The following EML1 variants were observed in gnomAD, a reference collection of about 807,000 sequenced individuals.
The protein encoded by EML1 is EMAP like 1.
Under a neutral mutation model 110.4 loss-of-function variants are expected in EML1, and 27 were observed. That is an observed-to-expected ratio of 0.24 (90% CI 0.18 to 0.34). The LOEUF (loss-of-function observed/expected upper bound fraction) is 0.34. Ranked by LOEUF, EML1 falls within the 10% of genes least tolerant of loss-of-function variation. The pLI is 1.00. For synonymous variants in EML1, 344 were observed against 385.8 expected (o/e 0.89, Z 1.27); for missense variants, 741 against 1,030.9 (o/e 0.72, Z 3.85).
chr14:99,786,191 C>T (rs1360274161), intron 1 of EML1, among the ~76,000 whole-genome samples: 1 of 152,064 alleles, frequency 6.6e-6, no homozygotes, highest in Non-Finnish European at 1.5e-5. Context: ...GTTCTGAGTA[C>T]CTGAATCTTC....
chr14:99,863,120 A>G (rs537356332), intron 2 of EML1, among the ~76,000 whole-genome samples: 1 of 152,208 alleles, frequency 6.6e-6, no homozygotes, highest in East Asian at 1.9e-4. Flanking sequence ...CCTTTTATGT[A>G]ATTGTTCCAT....
Position 99,936,183 on chromosome 14 carries a change from G to A in EML1, c.2007+57G>A, listed in dbSNP as rs539074660. On this transcript the variant is annotated intron_variant, in intron 18 of 21. Coordinates refer to ENST00000262233, the MANE Select transcript of EML1 (RefSeq NM_004434.3). This position sits in a 1 kb window ranked among gnomAD's most constrained non-coding sequence, Gnocchi z 5.5. ...ATGCACTGCGTATAGTTTAACTACC[G>A]TGGAACAGTGTTGGCAGGGACTTCT... The A allele has an allele frequency of 5.8e-5, 93 of 1,612,302 alleles. No homozygotes were observed. Among genetic ancestry groups the A allele is most frequent in the South Asian group, 1.1e-4 (10 of 91,044 alleles).
At chr14:99,832,186 G>T (rs537888136) in intron 1 of EML1, among the ~76,000 whole-genome samples, 2 of 152,056 alleles carry the variant, frequency 1.3e-5, no homozygotes, top group East Asian at 1.9e-4. Flanking sequence ...ATATTCATCC[G>T]TGCTGTTGCT....
chr14:99,898,986 T>C (rs1324718250), intron 8 of EML1, among the ~76,000 whole-genome samples: 3 of 152,214 alleles, frequency 2.0e-5, no homozygotes, highest in Non-Finnish European at 4.4e-5. Context: ...TGCCCTGTCC[T>C]GTGAATGTCG....
At chr14:99,750,811 G>A (rs1004350720) in intron 1 of EML1, among the ~76,000 whole-genome samples, 4 of 152,010 alleles carry the variant, frequency 2.6e-5, no homozygotes, top group Admixed American at 1.3e-4. Context: ...AGTCTAACCC[G>A]ATCGCCCCTC....
intron 1 of EML1, among the ~76,000 whole-genome samples, chr14:99,817,631 G>A (rs1029868806): frequency 6.6e-6 from 1 of 152,152 alleles, no homozygotes; most frequent in Non-Finnish European, 1.5e-5. Context: ...AGGGGTCTGT[G>A]GACCACACTT....
chr14:99,898,049 A>C (rs1448103004), intron 7 of EML1, among the ~76,000 whole-genome samples, 184 bp from the exon 8 acceptor site: 1 of 152,222 alleles, frequency 6.6e-6, no homozygotes, highest in East Asian at 1.9e-4. Flanking sequence ...AAGGGAATTA[A>C]GATGAAATGA....
chr14:99,919,430 A>G (rs1181529795), intron 16 of EML1, among the ~76,000 whole-genome samples: 1 of 139,056 alleles, frequency 7.2e-6, no homozygotes, highest in East Asian at 2.1e-4. Context: ...ACACAGACAC[A>G]CACACACACA....
chr14:99,764,038 G>T (rs2057342439), intron 1 of EML1, among the ~76,000 whole-genome samples: 1 of 152,204 alleles, frequency 6.6e-6, no homozygotes, highest in African/African-American at 2.4e-5. Context: ...TTCTGGAGGA[G>T]GAGACAGTTG....
chr14:99,790,180 T>C (rs1326944512), upstream of EML1, among the ~76,000 whole-genome samples: 2 of 152,244 alleles, frequency 1.3e-5, no homozygotes, highest in East Asian at 3.8e-4. Flanking sequence ...GTAACTTTAG[T>C]GGAAATAATA....
At chr14:99,746,365 C>A (rs2057108152) in intron 1 of EML1, among the ~76,000 whole-genome samples, 1 of 152,130 alleles carries the variant, frequency 6.6e-6, no homozygotes, top group Non-Finnish European at 1.5e-5. Flanking sequence ...CCCCTCTGAA[C>A]TTTTCGGGAG....
At chr14:99,805,648 T>A (rs1033345996) in intron 1 of EML1, among the ~76,000 whole-genome samples, 1 of 152,108 alleles carries the variant, frequency 6.6e-6, no homozygotes, top group Non-Finnish European at 1.5e-5. Context: ...CTAATTTTTT[T>A]ATTTTTTTGT....
At chr14:99,785,463 T>C (rs1323275480) in intron 1 of EML1, among the ~76,000 whole-genome samples, 2 of 152,224 alleles carry the variant, frequency 1.3e-5, no homozygotes, top group Non-Finnish European at 2.9e-5. Flanking sequence ...GGCAAGAGAC[T>C]GTTCAGTTAC....
In EML1 at chr14:99,746,892, C is replaced by T. The variant is rs554766568; in HGVS notation, c.28+9032C>T. 5.3e-5 allele frequency among the ~76,000 whole-genome samples: 8 copies of T among 152,282 alleles called. No individual in the cohort carries two copies. In the South Asian group the frequency reaches 8.3e-4, roughly 16 times the overall value. ...GGAGAGAAGCCCAAGTGGCCGGGTG[C>T]TCTGGTTTGTTGAGCATCTGCCGCG... On this transcript the variant is annotated intron_variant, in intron 1 of 10. Coordinates refer to the EML1 transcript ENST00000554479.
At chr14:99,774,486 T>C (rs577555066) in intron 1 of EML1, among the ~76,000 whole-genome samples, 1 of 152,270 alleles carries the variant, frequency 6.6e-6, no homozygotes, top group South Asian at 2.1e-4. Context: ...CCTTTTTCCT[T>C]CCCTCACCCT....
intron 17 of EML1, among the ~76,000 whole-genome samples, chr14:99,925,601 C>A (rs1033093401): frequency 6.6e-6 from 1 of 152,216 alleles, no homozygotes; most frequent in African/African-American, 2.4e-5. Context: ...AGGTTATGCA[C>A]AAATAACTTA....
rs58659517 is a variant in EML1 at position 99,798,130 on chromosome 14, G to A, written c.67+4587G>A. 5.4e-3 allele frequency among the ~76,000 whole-genome samples: 828 copies of A among 152,304 alleles called. 5 individuals are homozygous for A. Among genetic ancestry groups the A allele is most frequent in the African/African-American group, 0.018 (728 of 41,566 alleles). On this transcript the variant is annotated intron_variant, in intron 1 of 21. Transcript: ENST00000262233. The stretch of plus-strand genomic sequence containing the variant: ...AGCCGAAGTTGTGTTCCTTGGGTCC[G>A]TAGAGAATAGGTTTAATATCTTATC...
At chr14:99,933,966 G>A (rs2060421012) in intron 17 of EML1, among the ~76,000 whole-genome samples, 1 of 152,148 alleles carries the variant, frequency 6.6e-6, no homozygotes, top group Non-Finnish European at 1.5e-5. Context: ...GCAGTGGCAT[G>A]TGCCTGTAAT....
At chr14:99,927,112 G>C (rs934387428) in intron 17 of EML1, among the ~76,000 whole-genome samples, 4 of 152,218 alleles carry the variant, frequency 2.6e-5, no homozygotes, top group Admixed American at 2.6e-4. Flanking sequence ...CAGCATTGAT[G>C]TCTTAATATC....
Sources: allele counts gnomAD v4.1 joint callset (sites outside exome capture counted in the v4.1 genomes callset), GRCh38; gene constraint gnomAD v4.1.1; non-coding constraint Gnocchi (gnomAD v3.1); transcripts MANE v1.5; gene names NCBI Gene and HGNC (gene_info 2026-07-23, HGNC 2026-07-21).